Variants in FRZB observed in about 807,000 individuals in gnomAD.
The protein encoded by FRZB is secreted frizzled-related protein 3.
A neutral mutation model predicts 32.5 loss-of-function variants in FRZB; 34 were observed. That is an observed-to-expected ratio of 1.05 (90% confidence interval 0.80 to 1.39). FRZB has a LOEUF of 1.39. Ranked by LOEUF, FRZB falls within the 40% of genes most tolerant of loss-of-function variation. The pLI, the probability that FRZB is intolerant of heterozygous loss-of-function variation, is 0.00. For synonymous variants in FRZB, 170 were observed against 159.2 expected (o/e 1.07, Z -0.51); for missense variants, 423 against 424.8 (o/e 1.00, Z 0.04).
chr2:182,840,754 C>T (rs1695578195), intron 3 of FRZB, among the ~76,000 whole-genome samples: 1 of 152,020 alleles, frequency 6.6e-6, no homozygotes, highest in Non-Finnish European at 1.5e-5. Context: ...TGCTCCTTTC[C>T]ATTAATTATA....
At chr2:182,858,657 AGGG>A in intron 2 of FRZB, 126 bp downstream of exon 2, 1 of 605,430 alleles carries the variant, frequency 1.7e-6, no homozygotes, top group Non-Finnish European at 2.9e-6. Context: ...AATATAAATG[AGGG>A]AATTTTAAAA....
At chr2:182,837,876 A>G (rs1261904317) in intron 5 of FRZB, 72 bp downstream of exon 5, 21 of 1,186,088 alleles carry the variant, frequency 1.8e-5, no homozygotes, top group Admixed American at 5.5e-5. Context: ...TTTCATTTCA[A>G]TGACAGATGG....
intron 2 of FRZB, among the ~76,000 whole-genome samples, chr2:182,857,625 A>T (rs1376800708): frequency 2.0e-5 from 3 of 151,898 alleles, no homozygotes; most frequent in Non-Finnish European, 2.9e-5. Context: ...TCAAAAAAAA[A>T]AAAAAAGTCT....
At chr2:182,836,814 C>A (rs1043940421) in intron 5 of FRZB, among the ~76,000 whole-genome samples, 1 of 151,974 alleles carries the variant, frequency 6.6e-6, no homozygotes, top group Non-Finnish European at 1.5e-5. Context: ...GAGAGAATGC[C>A]CGCAAGTCTG....
intron 5 of FRZB, among the ~76,000 whole-genome samples, chr2:182,836,431 G>A (rs532958601): frequency 5.9e-5 from 9 of 152,010 alleles, no homozygotes; most frequent in African/African-American, 2.2e-4. Context: ...TCAAATTATT[G>A]GTTTCTTTCC....
intron 2 of FRZB, among the ~76,000 whole-genome samples, chr2:182,849,452 T>C (rs1231269430): frequency 2.6e-5 from 4 of 152,122 alleles, no homozygotes; most frequent in Non-Finnish European, 5.9e-5. Flanking sequence ...AGGAAGTGTG[T>C]CTTGACTTAG....
At chr2:182,851,637 C>A (rs192878167) in intron 2 of FRZB, among the ~76,000 whole-genome samples, 1 of 151,072 alleles carries the variant, frequency 6.6e-6, no homozygotes, top group African/African-American at 2.4e-5. Flanking sequence ...GCCTGAGCAA[C>A]AGAGTGAGAC....
intron 3 of FRZB, among the ~76,000 whole-genome samples, chr2:182,839,547 T>A (rs1405999305): frequency 1.3e-5 from 2 of 152,064 alleles, no homozygotes; most frequent in African/African-American, 4.8e-5. Flanking sequence ...TACTTATCAA[T>A]GTAACAACAA....
At chr2:182,856,147 G>A (rs532624295) in intron 2 of FRZB, among the ~76,000 whole-genome samples, 92 of 151,936 alleles carry the variant, frequency 6.1e-4, no homozygotes, top group African/African-American at 2.2e-3. Flanking sequence ...ACTTAAGAAA[G>A]TTCTTCAGAC....
chr2:182,837,897 A>T, intron 5 of FRZB, 51 bp downstream of exon 5: 1 of 1,414,706 alleles, frequency 7.1e-7, no homozygotes, highest in Non-Finnish European at 9.9e-7. Context: ...CTGGTTTTCT[A>T]CTTTTGTTTT....
chr2:182,837,575 A>G (rs541758298), intron 5 of FRZB, among the ~76,000 whole-genome samples: 1 of 152,100 alleles, frequency 6.6e-6, no homozygotes, highest in Non-Finnish European at 1.5e-5. Flanking sequence ...CTAGAGGCAG[A>G]GCAGCCATCT....
At chr2:182,860,627 G>A (rs1345128643) in intron 1 of FRZB, among the ~76,000 whole-genome samples, 1 of 152,106 alleles carries the variant, frequency 6.6e-6, no homozygotes, top group Non-Finnish European at 1.5e-5. Flanking sequence ...TCAGCACTGC[G>A]AGGCCAAGGC....
At chr2:182,843,985 C>T (rs1298121472) in intron 2 of FRZB, among the ~76,000 whole-genome samples, 2 of 151,922 alleles carry the variant, frequency 1.3e-5, no homozygotes, top group Admixed American at 6.6e-5. Context: ...AAGGCAGAAG[C>T]TTTTGTTGAC....
At chr2:182,863,767 A>G (rs1264957581) in intron 1 of FRZB, among the ~76,000 whole-genome samples, 1 of 152,224 alleles carries the variant, frequency 6.6e-6, no homozygotes, top group Non-Finnish European at 1.5e-5. Context: ...TACACTGGCC[A>G]CATGTGGTAG....
chr2:182,847,155 T>C (rs73037291), intron 2 of FRZB, among the ~76,000 whole-genome samples: 11,073 of 152,214 alleles, frequency 0.073, 626 homozygotes, highest in African/African-American at 0.16. Flanking sequence ...AAATAATTTG[T>C]CACATGTGAT....
chr2:182,864,911 A>T (rs570752139), intron 1 of FRZB, among the ~76,000 whole-genome samples: 1 of 152,180 alleles, frequency 6.6e-6, no homozygotes, highest in South Asian at 2.1e-4. Flanking sequence ...ACCACTCATG[A>T]AAAAAAATTG....
At position 182,834,881 on chromosome 2, in the gene FRZB, T is replaced by TG; in HGVS notation, c.945dup (p.Arg316GlnfsTer25). 6.2e-7 allele frequency: 1 copy of TG among 1,613,540 alleles called. No individual in the cohort carries two copies. The highest frequency in any genetic ancestry group is 8.5e-7 in the Non-Finnish European group (1 of 1,179,640). On this transcript the variant is annotated frameshift_variant, in exon 6 of 6. Coordinates refer to ENST00000295113, the MANE Select transcript of FRZB (RefSeq NM_001463.4). LOFTEE classifies it high-confidence loss of function. ...CGTGCTTGCCGGGGGTTCGAGTTCC[T>TG]GCCAGACTTCTGACTCTGAGTGGAA...
intron 1 of FRZB, among the ~76,000 whole-genome samples, chr2:182,860,328 A>G (rs1003838854): frequency 6.6e-6 from 1 of 152,178 alleles, no homozygotes; most frequent in African/African-American, 2.4e-5. Context: ...GAAAATATAT[A>G]TTATTAGTAA....
At chr2:182,854,937 C>G (rs908277459) in intron 2 of FRZB, among the ~76,000 whole-genome samples, 1 of 152,198 alleles carries the variant, frequency 6.6e-6, no homozygotes, top group Non-Finnish European at 1.5e-5. Context: ...TGTTTATGAA[C>G]TACTGAAGTC....
Sources: gnomAD v4.1 joint callset for allele counts (sites outside exome capture counted in the v4.1 genomes callset) on GRCh38, gnomAD v4.1.1 for gene constraint, MANE v1.5 for transcripts, NCBI Gene and HGNC (gene_info 2026-07-23, HGNC 2026-07-21) for gene names.